Variants in TTC23 observed in about 807,000 individuals in gnomAD.
TTC23 encodes tetratricopeptide repeat domain 23, also known as tetratricopeptide repeat protein 23.
A neutral mutation model predicts 55.1 loss-of-function variants in TTC23; 58 were observed. The ratio of observed to expected loss-of-function variants is 1.05; its 90% CI spans 0.85 to 1.31. The LOEUF (loss-of-function observed/expected upper bound fraction) is 1.31, where lower values mean the gene tolerates loss of function less well. Among genes scored for constraint, TTC23 ranks in the 50% most tolerant of loss-of-function variants. The probability of loss-of-function intolerance (pLI) is 0.00; values close to 1 mark genes in which losing one functional copy is unlikely to be tolerated. For missense variants in TTC23, 516 were observed against 534.4 expected, an observed-to-expected ratio of 0.97 and a Z score of 0.34; for synonymous variants, 203 against 199.9, an observed-to-expected ratio of 1.02 and a Z score of -0.13.
Position 99,145,227 on chromosome 15 carries a change from AC to A in TTC23, c.1144-5829del, listed in dbSNP as rs2068698823. 2.0e-5 allele frequency: 3 copies of A among 152,348 alleles called. No individual in the cohort carries two copies. In the South Asian group the frequency reaches 6.2e-4, roughly 32 times the overall value. 9.4% of individuals were successfully genotyped at this position (152,348 alleles called of 1,614,324 possible). A position where few individuals can be genotyped will look rare whatever the true frequency, so the allele number is the denominator to read the frequency against. The stretch of plus-strand genomic sequence containing the variant: ...ACTTCCTGAAGCAGCTGTCTGCTGA[AC>A]ACCAGCAACACGCCAACCCTGTGGC... On this transcript the variant is annotated intron_variant, in intron 12 of 13. Coordinates refer to ENST00000394132, the MANE Select transcript of TTC23 (RefSeq NM_001288615.3).
intron 9 of TTC23, among the ~76,000 whole-genome samples, chr15:99,188,017 T>C (rs74760586): frequency 0.018 from 2,735 of 152,096 alleles, 85 homozygotes; most frequent in African/African-American, 0.062. Flanking sequence ...AATAAAAACA[T>C]ATGTCTGTAC....
chr15:99,201,691 G>T (rs946190175), intron 8 of TTC23, among the ~76,000 whole-genome samples: 2 of 152,166 alleles, frequency 1.3e-5, no homozygotes, highest in African/African-American at 4.8e-5. Flanking sequence ...ACTAAGGAGG[G>T]CTACAGCTTG....
intron 12 of TTC23, among the ~76,000 whole-genome samples, chr15:99,154,899 G>A (rs1420014479): frequency 6.6e-6 from 1 of 152,164 alleles, no homozygotes; most frequent in Non-Finnish European, 1.5e-5. Context: ...CAGGAACATG[G>A]CAAGGATGCC....
rs2075667020 is a variant in TTC23 at position 99,195,968 on chromosome 15, A to C, written c.759+3951T>G. On this transcript the variant is annotated intron_variant, in intron 9 of 13. Coordinates refer to ENST00000394132, the MANE Select transcript of TTC23 (RefSeq NM_001288615.3). ...CAGGAGTTCAAGACCAGCCTGGCCA[A>C]CATGGTGAAACCCTGTCTCTACTAA... 2.0e-5 allele frequency among the ~76,000 whole-genome samples: 3 copies of C among 152,142 alleles called. No individual in the cohort carries two copies. In the South Asian group the frequency reaches 6.3e-4, roughly 32 times the overall value.
chr15:99,142,275 A>G (rs2068321868), intron 12 of TTC23, among the ~76,000 whole-genome samples: 1 of 152,206 alleles, frequency 6.6e-6, no homozygotes, highest in Admixed American at 6.5e-5. Context: ...CCACAGAGCA[A>G]GAGAGGCAAG....
At chr15:99,148,023 G>A (rs1275169619) in intron 12 of TTC23, among the ~76,000 whole-genome samples, 3 of 152,030 alleles carry the variant, frequency 2.0e-5, no homozygotes, top group Non-Finnish European at 4.4e-5. Flanking sequence ...CTGGAATATA[G>A]CAGGGACTCA....
chr15:99,184,898 G>T (rs535557287), intron 9 of TTC23, among the ~76,000 whole-genome samples: 19 of 152,236 alleles, frequency 1.2e-4, no homozygotes, highest in African/African-American at 4.1e-4. Flanking sequence ...AGGGACCTGT[G>T]GGAGGTAATT....
chr15:99,176,138 T>C (rs974631193), intron 9 of TTC23, among the ~76,000 whole-genome samples: 4 of 152,224 alleles, frequency 2.6e-5, no homozygotes, highest in Non-Finnish European at 5.9e-5. Flanking sequence ...AGTTTTAAAA[T>C]ACTATTAGTA....
intron 6 of TTC23, among the ~76,000 whole-genome samples, chr15:99,221,518 A>G (rs893243391): frequency 5.3e-5 from 8 of 152,338 alleles, no homozygotes; most frequent in Middle Eastern, 6.8e-3. Flanking sequence ...AAACAAAAAC[A>G]AAAACAAAAA....
chr15:99,162,467 C>T (rs189390547), intron 10 of TTC23, among the ~76,000 whole-genome samples: 60 of 152,194 alleles, frequency 3.9e-4, no homozygotes, highest in African/African-American at 1.3e-3. Context: ...TGGAAAATGA[C>T]GAGAGAACTA....
chr15:99,217,480 A>G (rs560310986), intron 8 of TTC23, among the ~76,000 whole-genome samples: 80 of 152,336 alleles, frequency 5.3e-4, no homozygotes, highest in African/African-American at 1.9e-3. Context: ...TTTTAAACAC[A>G]TAAATATATA....
Position 99,249,537 on chromosome 15 carries a change from G to C in TTC23, c.-797C>G, listed in dbSNP as rs8043311. The C allele has an allele frequency of 0.42, 64,182 of 151,960 alleles. 13,688 individuals carry two copies. The highest frequency in any genetic ancestry group is 0.6 in the Middle Eastern group (175 of 294). The allele number at this position is 151,960 out of a possible 1,614,324, so 9.4% of individuals were successfully genotyped here. On this transcript the variant is annotated 5_prime_UTR_variant, in exon 1 of 14. Transcript: ENST00000394132. ...ATAACCATGAAAAAGTCTAAAGTAG[G>C]GCAGTTCCGGAGCAGCCTTTTCCCA...
chr15:99,152,828 C>T (rs570699828), intron 12 of TTC23, among the ~76,000 whole-genome samples: 2 of 150,934 alleles, frequency 1.3e-5, no homozygotes, highest in African/African-American at 4.9e-5. Context: ...TACAGGGTCT[C>T]ACTTTGTCAC....
intron 4 of TTC23, among the ~76,000 whole-genome samples, chr15:99,229,496 A>G (rs1378424284): frequency 6.6e-6 from 1 of 152,168 alleles, no homozygotes; most frequent in African/African-American, 2.4e-5. Context: ...GGGGACCCAG[A>G]AGTTATCCCA....
At position 99,222,958 on chromosome 15, in the gene TTC23, C is replaced by T. The variant is rs564932000; in HGVS notation, c.181-1094G>A. Among the ~76,000 whole-genome samples, 253 of 152,356 alleles carry T rather than the reference C, an allele frequency of 1.7e-3. 2 individuals carry two copies. The highest frequency in any genetic ancestry group is 5.8e-3 in the African/African-American group (241 of 41,574). On this transcript the variant is annotated intron_variant, in intron 5 of 13. Transcript: ENST00000394132. ...CTTGCAGTGAGCCGATATCGTGCCACTGCATTCCAGCCTGGGCGACACAGC... is the reference window on the plus strand; with the variant it reads ...CTTGCAGTGAGCCGATATCGTGCCATTGCATTCCAGCCTGGGCGACACAGC...
At chr15:99,241,342 A>C (rs1367281429) in intron 3 of TTC23, 23 bp downstream of exon 3, 1 of 152,962 alleles carries the variant, frequency 6.5e-6, no homozygotes. Context: ...ACAAACAAAA[A>C]ACATGCTTCT....
At chr15:99,246,886 C>T (rs2080292659) in intron 1 of TTC23, among the ~76,000 whole-genome samples, 1 of 152,264 alleles carries the variant, frequency 6.6e-6, no homozygotes, top group Admixed American at 6.5e-5. Flanking sequence ...TGGCACTCTG[C>T]ACTCCAGCCT....
At chr15:99,142,144 G>T (rs2068305495) in intron 12 of TTC23, among the ~76,000 whole-genome samples, 1 of 152,166 alleles carries the variant, frequency 6.6e-6, no homozygotes, top group African/African-American at 2.4e-5. Context: ...GGGAGGGGAT[G>T]CGGACATGTT....
intron 3 of TTC23, among the ~76,000 whole-genome samples, chr15:99,236,912 G>A (rs966777407): frequency 2.7e-5 from 4 of 150,826 alleles, no homozygotes; most frequent in African/African-American, 7.3e-5. Flanking sequence ...TTGGCCTCTG[G>A]TGCCATATCT....
Sources: allele counts gnomAD v4.1 joint callset (sites outside exome capture counted in the v4.1 genomes callset), GRCh38; gene constraint gnomAD v4.1.1; transcripts MANE v1.5; gene names NCBI Gene and HGNC (gene_info 2026-07-23, HGNC 2026-07-21).